Variants in ROBO1 observed in about 807,000 individuals in gnomAD.
ROBO1 encodes the protein roundabout guidance receptor 1.
ROBO1 carries 149 observed loss-of-function variants against 195.9 expected under a neutral mutation model. The ratio of observed to expected loss-of-function variants is 0.76; its 90% CI spans 0.67 to 0.87. The LOEUF (loss-of-function observed/expected upper bound fraction) is 0.87. Among genes scored for constraint, ROBO1 ranks in the 40% least tolerant of loss-of-function variants. The pLI is 0.00. For missense variants in ROBO1, 1,933 were observed against 2,068.3 expected, an observed-to-expected ratio of 0.93 and a Z score of 1.27; for synonymous variants, 816 against 733.2, an observed-to-expected ratio of 1.11 and a Z score of -1.82.
chr3:79,147,726 T>G (rs533556835), intron 2 of ROBO1, among the ~76,000 whole-genome samples: 9 of 152,012 alleles, frequency 5.9e-5, no homozygotes, highest in Non-Finnish European at 8.8e-5. Context: ...TTTCTTTTGG[T>G]GCTTAGTTTC....
intron 2 of ROBO1, among the ~76,000 whole-genome samples, chr3:79,512,215 G>A (rs145798548): frequency 2.6e-5 from 4 of 152,096 alleles, no homozygotes; most frequent in East Asian, 1.9e-4. Context: ...GAGATAACTC[G>A]AAGTGATTCT....
chr3:79,027,968 G>A (rs944115299), intron 3 of ROBO1, among the ~76,000 whole-genome samples: 3 of 151,920 alleles, frequency 2.0e-5, no homozygotes, highest in Non-Finnish European at 4.4e-5. Context: ...CTATTTATAC[G>A]AAGATTTCTA....
chr3:79,659,166 G>C (rs1032439486), intron 1 of ROBO1, among the ~76,000 whole-genome samples: 2 of 151,816 alleles, frequency 1.3e-5, no homozygotes, highest in African/African-American at 4.8e-5. Context: ...TTAACCATCC[G>C]GTTGACTCAA....
At chr3:78,883,765 C>A (rs2036328567) in intron 4 of ROBO1, among the ~76,000 whole-genome samples, 1 of 152,070 alleles carries the variant, frequency 6.6e-6, no homozygotes, top group Non-Finnish European at 1.5e-5. Flanking sequence ...CTCAAGAGTC[C>A]AATATCCATC....
chr3:78,968,252 T>G (rs2076688462), intron 3 of ROBO1, among the ~76,000 whole-genome samples: 1 of 151,576 alleles, frequency 6.6e-6, no homozygotes, highest in Admixed American at 6.6e-5. Context: ...CATGTCACTT[T>G]ATAGGAACTG....
intron 26 of ROBO1, among the ~76,000 whole-genome samples, chr3:78,619,595 T>C (rs1168097671): frequency 6.6e-6 from 1 of 151,712 alleles, no homozygotes; most frequent in South Asian, 2.1e-4. Context: ...CCTAGGAGAA[T>C]GCACCTGGCA....
intron 3 of ROBO1, among the ~76,000 whole-genome samples, chr3:78,993,194 A>C (rs1427813746): frequency 6.6e-6 from 1 of 152,232 alleles, no homozygotes; most frequent in Non-Finnish European, 1.5e-5. Context: ...TTCTGGAATC[A>C]GACATGTGTG....
chr3:79,632,325 G>C (rs1945369613), intron 1 of ROBO1, among the ~76,000 whole-genome samples: 1 of 152,098 alleles, frequency 6.6e-6, no homozygotes, highest in Admixed American at 6.6e-5. Context: ...CATGGCTTTT[G>C]CAGCAATAAG....
At chr3:79,283,944 G>A (rs187670679) in intron 2 of ROBO1, among the ~76,000 whole-genome samples, 6 of 151,886 alleles carry the variant, frequency 4.0e-5, no homozygotes, top group Non-Finnish European at 8.8e-5. Flanking sequence ...TGATCCGCCC[G>A]CCTCGGCCTC....
chr3:79,560,133 G>T (rs992191899), intron 2 of ROBO1, among the ~76,000 whole-genome samples: 1 of 151,904 alleles, frequency 6.6e-6, no homozygotes, highest in African/African-American at 2.4e-5. Flanking sequence ...ATATCAAGGA[G>T]AGAATGAATG....
intron 5 of ROBO1, among the ~76,000 whole-genome samples, chr3:78,724,717 T>G (rs1474905816): frequency 6.6e-6 from 1 of 151,962 alleles, no homozygotes; most frequent in Admixed American, 6.6e-5. Context: ...CAACATCTTA[T>G]GTTGAGTCAT....
intron 1 of ROBO1, among the ~76,000 whole-genome samples, chr3:79,703,071 C>T (rs1175118791): frequency 6.6e-6 from 1 of 151,790 alleles, no homozygotes; most frequent in African/African-American, 2.4e-5. Flanking sequence ...GAAGAGAAAA[C>T]AGAAATAAAT....
chr3:79,597,326 AG>A (rs1171623400), intron 1 of ROBO1, among the ~76,000 whole-genome samples: 1 of 152,006 alleles, frequency 6.6e-6, no homozygotes, highest in Admixed American at 6.6e-5. Context: ...CTGAAAATGC[AG>A]GATTAATGCT....
chr3:78,633,955 T>C lies in ROBO1; in HGVS notation c.3461A>G (p.Asp1154Gly), dbSNP rs1705332996. The change falls in exon 24 of 31, where the codon GAC becomes GGC. Residue 1154 changes from aspartate (D) to glycine (G), a missense_variant. Coordinates refer to ENST00000464233, the MANE Select transcript of ROBO1 (RefSeq NM_002941.4). ...CTTACCAGATGTACTACTGCCCCGG[T>C]CTGAGCTGTTGTAGGATCCTCCTGT... ...QNTGGSYNSS[D>G]RGSSTSGSQG... The C allele has an allele frequency of 3.7e-6, 6 of 1,611,154 alleles. No homozygotes were observed. Among genetic ancestry groups the C allele is most frequent in the Non-Finnish European group, 5.1e-6 (6 of 1,177,856 alleles).
At chr3:78,970,931 A>G (rs2076751186) in intron 3 of ROBO1, among the ~76,000 whole-genome samples, 1 of 148,198 alleles carries the variant, frequency 6.7e-6, no homozygotes, top group South Asian at 2.1e-4. Context: ...ATAGATTGCA[A>G]AAAAAAAAAA....
chr3:78,867,171 C>T (rs891356264), intron 4 of ROBO1, among the ~76,000 whole-genome samples: 5 of 152,130 alleles, frequency 3.3e-5, no homozygotes, highest in African/African-American at 7.2e-5. Context: ...GTTTCTTTAC[C>T]GCAAGCCCAA....
chr3:79,666,217 A>T (rs1435622069), intron 1 of ROBO1, among the ~76,000 whole-genome samples: 3 of 151,918 alleles, frequency 2.0e-5, no homozygotes, highest in Non-Finnish European at 4.4e-5. Flanking sequence ...CTGGCTAGAA[A>T]TAAAAAAGCA....
intron 2 of ROBO1, among the ~76,000 whole-genome samples, chr3:79,354,093 A>G (rs1368605547): frequency 1.3e-5 from 2 of 152,014 alleles, no homozygotes; most frequent in African/African-American, 4.8e-5. Context: ...TAGGAAGGGC[A>G]CTATACTACT....
At chr3:79,651,051 G>C (rs1275592955) in intron 1 of ROBO1, among the ~76,000 whole-genome samples, 1 of 151,818 alleles carries the variant, frequency 6.6e-6, no homozygotes, top group Non-Finnish European at 1.5e-5. Context: ...AGAAAATGTA[G>C]TCTATAAATG....
Sources: gnomAD v4.1 joint callset for allele counts (sites outside exome capture counted in the v4.1 genomes callset) on GRCh38, gnomAD v4.1.1 for gene constraint, MANE v1.5 for transcripts, NCBI Gene and HGNC (gene_info 2026-07-23, HGNC 2026-07-21) for gene names.